SGK1: variants seen among roughly 807,000 people sequenced by gnomAD.
SGK1 encodes serum/glucocorticoid regulated kinase 1.
In SGK1, 26 loss-of-function variants were observed where a neutral mutation model predicts 64.2. The ratio of observed to expected loss-of-function variants is 0.40; its 90% CI spans 0.30 to 0.56. SGK1 has a LOEUF of 0.56. SGK1 is among the 20% of genes least tolerant of loss of function. The pLI, the probability that SGK1 is intolerant of heterozygous loss-of-function variation, is 0.38. For missense variants in SGK1, 519 were observed against 645.6 expected (o/e 0.80, Z 2.12); for synonymous variants, 265 against 239.7 (o/e 1.11, Z -0.98).
intron 3 of SGK1, among the ~76,000 whole-genome samples, chr6:134,199,548 G>A: frequency 9.0e-6 from 1 of 110,854 alleles, no homozygotes; most frequent in Admixed American, 1.2e-4. Context: ...GACAGGGCAA[G>A]ACTCTCTCTC....
chr6:134,268,937 C>T (rs1255134731), intron 1 of SGK1, among the ~76,000 whole-genome samples: 3 of 122,158 alleles, frequency 2.5e-5, no homozygotes, highest in African/African-American at 3.1e-5. Flanking sequence ...TTATTAATGT[C>T]TTTACTTGGA....
At chr6:134,204,259 A>ATT (rs1355803771) in intron 3 of SGK1, among the ~76,000 whole-genome samples, 19 of 150,526 alleles carry the variant, frequency 1.3e-4, no homozygotes, top group African/African-American at 4.6e-4. Flanking sequence ...TAAATAAATA[A>ATT]ATAAATAATT....
chr6:134,235,293 C>A (rs1359088989), intron 2 of SGK1, among the ~76,000 whole-genome samples: 2 of 152,118 alleles, frequency 1.3e-5, no homozygotes, highest in African/African-American at 2.4e-5. Context: ...GCTTTCACAT[C>A]GCTTCCAGGG....
At position 134,174,902 on chromosome 6, in the gene SGK1, C is replaced by T. The variant is rs943225417; in HGVS notation, c.362-316G>A. The T allele has an allele frequency of 5.1e-6, 8 of 1,577,930 alleles. No individual in the cohort carries two copies. The Admixed American group carries it at 5.6e-5, about 11-fold the overall frequency. ...GCGCTCGGCCTTATAAAAAAGGCAC[C>T]GCCGCGGGGGCGGGGCCTGCGCGAC... On this transcript the variant is annotated intron_variant, in intron 3 of 13. Coordinates refer to ENST00000367858, the MANE Select transcript of SGK1 (RefSeq NM_001143676.3).
At chr6:134,208,146 A>T (rs1488387755) in intron 2 of SGK1, among the ~76,000 whole-genome samples, 1 of 152,094 alleles carries the variant, frequency 6.6e-6, no homozygotes, top group African/African-American at 2.4e-5. Flanking sequence ...TCCTGACCTC[A>T]AATGATCCGC....
rs1048364684 is a variant in SGK1, at chr6:134,317,531, C to T, written c.-71G>A. The T allele has an allele frequency of 3.3e-6, 3 of 897,672 alleles. No individual in the cohort carries two copies. The highest frequency in any genetic ancestry group is 1.6e-5 in the African/African-American group (1 of 61,302). The allele number at this position is 897,672 out of a possible 1,614,324, so 55.6% of individuals were successfully genotyped here. A position where few individuals can be genotyped will look rare whatever the true frequency, so the allele number is the denominator to read the frequency against. On this transcript the variant is annotated 5_prime_UTR_variant, in exon 1 of 14. Transcript: ENST00000367858. ...GCCTGGTTAGTGCATATCTGTTTCCCCGGTTTACCTCCTGCAGACAGTTAA... is the reference window on the plus strand; with the variant it reads ...GCCTGGTTAGTGCATATCTGTTTCCTCGGTTTACCTCCTGCAGACAGTTAA...
chr6:134,218,696 T>C (rs1776029269), intron 2 of SGK1: 1 of 152,094 alleles, frequency 6.6e-6, no homozygotes, highest in Non-Finnish European at 1.5e-5. Flanking sequence ...CCTCCCAAAG[T>C]GTGAGCCACT....
intron 1 of SGK1, among the ~76,000 whole-genome samples, chr6:134,267,952 T>C (rs1776878705): frequency 6.6e-6 from 1 of 152,228 alleles, no homozygotes; most frequent in Non-Finnish European, 1.5e-5. Context: ...CCCTTCTTTA[T>C]GACTCCTTGA....
chr6:134,169,256 T>C lies in SGK1; in HGVS notation c.*1012A>G, dbSNP rs1774928641. On this transcript the variant is annotated 3_prime_UTR_variant, in exon 14 of 14. Transcript: ENST00000367858. ...TAACACATGACACAATATATGTAAATATTTTTCAAGGTTTTATTGCAAACC... is the reference window on the plus strand; with the variant it reads ...TAACACATGACACAATATATGTAAACATTTTTCAAGGTTTTATTGCAAACC... The C allele has an allele frequency of 6.6e-6, 1 of 152,598 alleles. No homozygotes were observed. The highest frequency in any genetic ancestry group is 2.4e-5 in the African/African-American group (1 of 41,420). The allele number at this position is 152,598 out of a possible 1,614,324, so 9.5% of individuals were successfully genotyped here.
intron 2 of SGK1, among the ~76,000 whole-genome samples, chr6:134,220,057 T>C (rs1776060693): frequency 1.5e-4 from 1 of 6,716 alleles, no homozygotes; most frequent in African/African-American, 6.0e-4. Context: ...AGACTCCGTC[T>C]CAAAAAAAAA....
chr6:134,316,745 A>G (rs1421280475), intron 1 of SGK1, among the ~76,000 whole-genome samples: 4 of 13,916 alleles, frequency 2.9e-4, no homozygotes, highest in Non-Finnish European at 6.1e-4. Flanking sequence ...CTCTCTCCCA[A>G]AAAAAAAAAA....
chr6:134,174,843 A>G lies in SGK1; in HGVS notation c.362-257T>C, dbSNP rs748375563. 4.3e-6 allele frequency: 7 copies of G among 1,613,230 alleles called. No individual in the cohort carries two copies. The African/African-American group carries it at 8.0e-5, about 18-fold the overall frequency. ...GGGAGACAGAAAGACGTTAGCGCTC[A>G]AAGACCGGCTCGGCGTATGCTGCGC... On this transcript the variant is annotated intron_variant, in intron 3 of 13. Coordinates refer to ENST00000367858, the MANE Select transcript of SGK1 (RefSeq NM_001143676.3).
At chr6:134,213,104 A>T (rs1029562487) in intron 2 of SGK1, among the ~76,000 whole-genome samples, 2 of 152,210 alleles carry the variant, frequency 1.3e-5, no homozygotes, top group African/African-American at 4.8e-5. Flanking sequence ...GAGAGCTCAT[A>T]TAGTAAATTT....
intron 3 of SGK1, among the ~76,000 whole-genome samples, chr6:134,205,583 A>C (rs1775756361): frequency 6.6e-6 from 1 of 152,220 alleles, no homozygotes; most frequent in South Asian, 2.1e-4. Flanking sequence ...CTTCTTCCTA[A>C]GAAGCGTGCT....
At chr6:134,252,336 C>G (rs1776617563) in intron 2 of SGK1, among the ~76,000 whole-genome samples, 1 of 152,152 alleles carries the variant, frequency 6.6e-6, no homozygotes, top group Admixed American at 6.5e-5. Context: ...TTATCAGGCT[C>G]TCTGGCTGCT....
In SGK1 at chr6:134,178,357, G is replaced by A. The variant is rs541729858; in HGVS notation, c.362-3771C>T. Among the ~76,000 whole-genome samples the A allele has an allele frequency of 3.3e-5, 5 of 152,254 alleles. No homozygotes were observed. In the South Asian group the frequency reaches 8.3e-4, roughly 25 times the overall value. On this transcript the variant is annotated intron_variant, in intron 3 of 13. Transcript: ENST00000367858. ...GGGTGGAGCAGGCGCCCCCTGTTCT[G>A]TCCCAGCAACCTACTAAGACTTCCG...
chr6:134,274,862 G>A (rs1776996927), intron 1 of SGK1, among the ~76,000 whole-genome samples: 2 of 152,044 alleles, frequency 1.3e-5, no homozygotes, highest in Non-Finnish European at 2.9e-5. Context: ...CTGGAGTGCA[G>A]TGGCGCAATC....
intron 3 of SGK1, among the ~76,000 whole-genome samples, chr6:134,176,740 T>C (rs1169836623): frequency 6.6e-6 from 1 of 152,156 alleles, no homozygotes; most frequent in Admixed American, 6.5e-5. Context: ...AAACGCCTTT[T>C]CCTTGGTCTT....
chr6:134,172,374 C>T (rs777389292), intron 9 of SGK1, 58 bp from the exon 10 acceptor site: 12 of 1,529,246 alleles, frequency 7.8e-6, no homozygotes, highest in Non-Finnish European at 1.1e-5. Flanking sequence ...CATAAGATAT[C>T]CTCTTAAAGA....
Sources: gnomAD v4.1 joint callset for allele counts (sites outside exome capture counted in the v4.1 genomes callset) on GRCh38, gnomAD v4.1.1 for gene constraint, MANE v1.5 for transcripts, NCBI Gene and HGNC (gene_info 2026-07-23, HGNC 2026-07-21) for gene names.